MAGI2: variants seen among roughly 807,000 people sequenced by gnomAD.
The protein encoded by MAGI2 is membrane associated guanylate kinase, WW and PDZ domain containing 2.
In MAGI2, 35 loss-of-function variants were observed where a neutral mutation model predicts 133.3. The ratio of observed to expected loss-of-function variants is 0.26; its 90% CI spans 0.20 to 0.35. MAGI2 has a LOEUF of 0.35. Among genes scored for constraint, MAGI2 ranks in the 10% least tolerant of loss-of-function variants. The pLI is 1.00. For missense variants in MAGI2, 1,636 were observed against 1,863.4 expected (o/e 0.88, Z 2.25); for synonymous variants, 729 against 710.6 (o/e 1.03, Z -0.41).
chr7:79,190,397 T>C (rs754833847), intron 1 of MAGI2, among the ~76,000 whole-genome samples: 4 of 151,912 alleles, frequency 2.6e-5, no homozygotes, highest in Admixed American at 1.3e-4. Context: ...TCGTTTCATA[T>C]GCTTATTTGC....
At chr7:79,308,190 T>C (rs1012968505) in intron 1 of MAGI2, among the ~76,000 whole-genome samples, 2 of 152,216 alleles carry the variant, frequency 1.3e-5, no homozygotes, top group Non-Finnish European at 2.9e-5. Flanking sequence ...ATGATTTTAA[T>C]AGATAATAGA....
intron 1 of MAGI2, among the ~76,000 whole-genome samples, chr7:79,233,924 G>A (rs189827700): frequency 6.1e-4 from 92 of 150,778 alleles, no homozygotes; most frequent in African/African-American, 1.8e-3. Flanking sequence ...ATTTTGCAGC[G>A]GCTAGTACTG....
rs189054188 is a variant in MAGI2 at position 78,514,562 on chromosome 7, C to T, written c.754+6868G>A. 6.6e-5 allele frequency among the ~76,000 whole-genome samples: 10 copies of T among 152,160 alleles called. No homozygotes were observed. In the South Asian group the frequency reaches 8.3e-4, roughly 13 times the overall value. On this transcript the variant is annotated intron_variant, in intron 4 of 21. Transcript: ENST00000354212. ...TCATAAAATTAAGCCCTTCTCACCC[C>T]GCTCAAAAAAGATAAATATCTGGGT...
intron 1 of MAGI2, among the ~76,000 whole-genome samples, chr7:79,328,194 G>A (rs941491849): frequency 1.3e-5 from 2 of 152,116 alleles, no homozygotes; most frequent in African/African-American, 4.8e-5. Context: ...TAATCAAATA[G>A]ATGCAAATTA....
At chr7:78,643,680 TAAAGTA>T (rs1442123172) in intron 2 of MAGI2, among the ~76,000 whole-genome samples, 3 of 152,092 alleles carry the variant, frequency 2.0e-5, no homozygotes, top group South Asian at 4.1e-4. Flanking sequence ...AGAGATGGTT[TAAAGTA>T]AAAGTAATAA....
At chr7:78,328,502 AAC>A (rs1554346526) in intron 9 of MAGI2, among the ~76,000 whole-genome samples, 14 of 105,118 alleles carry the variant, frequency 1.3e-4, no homozygotes, top group African/African-American at 8.0e-5. Flanking sequence ...CCAGCTCTAA[AAC>A]ACACACACAC....
chr7:78,938,880 A>G (rs894561988), intron 2 of MAGI2, among the ~76,000 whole-genome samples: 1 of 152,206 alleles, frequency 6.6e-6, no homozygotes, highest in South Asian at 2.1e-4. Context: ...TAGAATAACA[A>G]GAATATAAAC....
intron 2 of MAGI2, among the ~76,000 whole-genome samples, chr7:78,653,830 T>C (rs943037508): frequency 1.3e-5 from 2 of 151,746 alleles, no homozygotes; most frequent in Non-Finnish European, 2.9e-5. Flanking sequence ...AGTCTCTGAA[T>C]CTTCCCATAC....
chr7:78,621,829 T>C (rs1213009663), intron 3 of MAGI2, among the ~76,000 whole-genome samples: 1 of 152,004 alleles, frequency 6.6e-6, no homozygotes, highest in African/African-American at 2.4e-5. Context: ...CAAATTATGC[T>C]TTAGCCACAT....
intron 2 of MAGI2, among the ~76,000 whole-genome samples, chr7:78,751,101 T>C (rs991002444): frequency 2.0e-5 from 3 of 152,166 alleles, no homozygotes; most frequent in Admixed American, 1.3e-4. Context: ...TTGATTCCCA[T>C]AAGAAATGAG....
chr7:78,169,061 C>T (rs1584243701), intron 14 of MAGI2, among the ~76,000 whole-genome samples: 1 of 152,148 alleles, frequency 6.6e-6, no homozygotes, highest in African/African-American at 2.4e-5. Context: ...GAGAAGGTAC[C>T]CGTCTAGGAA....
chr7:79,151,941 T>A (rs1823293504), intron 1 of MAGI2, among the ~76,000 whole-genome samples: 1 of 152,050 alleles, frequency 6.6e-6, no homozygotes, highest in Admixed American at 6.6e-5. Context: ...AGAACATGAA[T>A]CAAAACCTGT....
At chr7:79,372,022 C>A (rs956792399) in intron 1 of MAGI2, among the ~76,000 whole-genome samples, 1 of 152,080 alleles carries the variant, frequency 6.6e-6, no homozygotes, top group African/African-American at 2.4e-5. Context: ...AGCAACCCTA[C>A]GAGGTAGCTA....
intron 9 of MAGI2, among the ~76,000 whole-genome samples, chr7:78,283,463 CTGAATAAGTAAATATA>C (rs778512732): frequency 5.2e-4 from 79 of 152,116 alleles, no homozygotes; most frequent in Admixed American, 3.9e-4. Context: ...CTTTATTAAC[CTGAATAAGTAAATATA>C]TGAATAAGTA....
intron 2 of MAGI2, among the ~76,000 whole-genome samples, chr7:78,977,772 G>A (rs1443788684): frequency 1.3e-5 from 2 of 151,658 alleles, no homozygotes; most frequent in South Asian, 2.1e-4. Context: ...AGGATAAAAT[G>A]TTTGCAAAAC....
chr7:78,932,016 C>T (rs1439527280), intron 2 of MAGI2, among the ~76,000 whole-genome samples: 1 of 141,204 alleles, frequency 7.1e-6, no homozygotes, highest in Non-Finnish European at 1.5e-5. Flanking sequence ...AAAAAAAAAA[C>T]CCACATGATT....
intron 21 of MAGI2, chr7:78,035,223 G>C (rs1369590988): frequency 1.3e-5 from 2 of 149,552 alleles, no homozygotes; most frequent in Non-Finnish European, 3.0e-5. Context: ...GTGCAGGTGA[G>C]AGATGGGACG....
chr7:78,880,267 A>T (rs1795744390), intron 2 of MAGI2, among the ~76,000 whole-genome samples: 1 of 152,216 alleles, frequency 6.6e-6, no homozygotes, highest in South Asian at 2.1e-4. Flanking sequence ...CAAGGCACAT[A>T]GTCACCAGAC....
chr7:78,834,798 A>T (rs1047809744), intron 2 of MAGI2, among the ~76,000 whole-genome samples: 1 of 152,096 alleles, frequency 6.6e-6, no homozygotes, highest in Non-Finnish European at 1.5e-5. Flanking sequence ...TGGATCCCTT[A>T]TGGCTTGGTG....
Sources: gnomAD v4.1 joint callset for allele counts (sites outside exome capture counted in the v4.1 genomes callset) on GRCh38, gnomAD v4.1.1 for gene constraint, MANE v1.5 for transcripts, NCBI Gene and HGNC (gene_info 2026-07-23, HGNC 2026-07-21) for gene names.